PTPRN: variants seen among roughly 807,000 people sequenced by gnomAD.
The protein encoded by PTPRN is protein tyrosine phosphatase receptor type N.
Under a neutral mutation model 108.5 loss-of-function variants are expected in PTPRN, and 70 were observed. That is an observed-to-expected ratio of 0.65 (90% CI 0.53 to 0.79). The LOEUF (loss-of-function observed/expected upper bound fraction) is 0.79, where lower values mean the gene tolerates loss of function less well. Among genes scored for constraint, PTPRN ranks in the 30% least tolerant of loss-of-function variants. The probability of loss-of-function intolerance (pLI) is 0.00; values close to 1 mark genes in which losing one functional copy is unlikely to be tolerated. For missense variants in PTPRN, 1,136 were observed against 1,295.5 expected (o/e 0.88, Z 1.89); for synonymous variants, 496 against 524.6 (o/e 0.95, Z 0.75).
In PTPRN at chr2:219,296,599, C is replaced by A; in HGVS notation, c.2311-83G>T. 1 of 1,577,764 alleles carries A rather than the reference C, an allele frequency of 6.3e-7. No homozygotes were observed. The highest frequency in any genetic ancestry group is 1.1e-5 in the South Asian group (1 of 89,350). On this transcript the variant is annotated intron_variant, in intron 16 of 22. Coordinates refer to ENST00000295718, the MANE Select transcript of PTPRN (RefSeq NM_002846.4). This position sits in a 1 kb window ranked among gnomAD's most constrained non-coding sequence, Gnocchi z 6.0. The stretch of plus-strand genomic sequence containing the variant: ...GTGGTCAGAGCAAGTGGGTCAGGGT[C>A]TGAGAAGGCTGGCAGTTCCCCCTTG...
At chr2:219,307,657 TCTC>T in intron 2 of PTPRN, 100 bp from the exon 3 acceptor site, 1 of 1,444,878 alleles carries the variant, frequency 6.9e-7, no homozygotes, top group South Asian at 1.2e-5. Context: ...CTCCCCTACC[TCTC>T]CTCCTCCAGG....
At chr2:219,302,019 A>T in intron 6 of PTPRN, 118 bp downstream of exon 6, 2 of 1,005,238 alleles carry the variant, frequency 2.0e-6, no homozygotes, top group Non-Finnish European at 2.9e-6. Flanking sequence ...GACATTCCTT[A>T]AATGTATGAA....
rs774515043 is a variant in PTPRN, at chr2:219,296,177, A to T, written c.2508+49T>A. 1 of 1,604,894 alleles carries T rather than the reference A, an allele frequency of 6.2e-7. No homozygotes were observed. Among genetic ancestry groups the T allele is most frequent in the Non-Finnish European group, 8.5e-7 (1 of 1,172,144 alleles). The stretch of plus-strand genomic sequence containing the variant: ...AAGAAAACGTTACGAAAAGGCCATC[A>T]TCTACTCTTCCCACATCCATTGTCC... On this transcript the variant is annotated intron_variant, in intron 18 of 22. Coordinates refer to ENST00000295718, the MANE Select transcript of PTPRN (RefSeq NM_002846.4). This position sits in a 1 kb window ranked among gnomAD's most constrained non-coding sequence, Gnocchi z 6.0.
chr2:219,297,247 C>G lies in PTPRN; in HGVS notation c.2074G>C (p.Gly692Arg), dbSNP rs778504262. Residue 692 changes from glycine to arginine, a missense_variant, in exon 14 of 23, where the codon GGA becomes CGA. Transcript: ENST00000295718. The surrounding 1 kb of genome is among the most constrained non-coding windows in gnomAD (Gnocchi z 6.0). The stretch of plus-strand genomic sequence containing the variant: ...CCTGTCCTGACCAGAATCATGTGTC[C>G]CGTGGAGATGTCCATGTTGGCTTGG... The part of the protein sequence containing the change: ...PAQANMDIST[G>R]HMILAYMEDH... The G allele has an allele frequency of 5.6e-6, 9 of 1,613,898 alleles. No individual in the cohort carries two copies. The highest frequency in any genetic ancestry group is 6.8e-6 in the Non-Finnish European group (8 of 1,179,966).
Position 219,296,655 on chromosome 2 carries a change from G to T in PTPRN, c.2310+94C>A, listed in dbSNP as rs1034017223. On this transcript the variant is annotated intron_variant, in intron 16 of 22. Transcript: ENST00000295718. The surrounding 1 kb of genome is among the most constrained non-coding windows in gnomAD (Gnocchi z 6.0). ...ATATCAGGCCCCACCACTCCAGGGG[G>T]TTGGTGGGGTGGCAGGTGACCACGG... 5.8e-6 allele frequency: 9 copies of T among 1,547,052 alleles called. No individual in the cohort carries two copies. The highest frequency in any genetic ancestry group is 6.2e-6 in the Non-Finnish European group (7 of 1,126,534).
In PTPRN at chr2:219,302,581, G is replaced by A; in HGVS notation, c.634C>T (p.His212Tyr). 2 of 1,613,998 alleles carry A rather than the reference G, an allele frequency of 1.2e-6. No homozygotes were observed. Among genetic ancestry groups the A allele is most frequent in the South Asian group, 1.1e-5 (1 of 91,074 alleles). Residue 212 changes from histidine (H) to tyrosine (Y), a missense_variant, in exon 5 of 23, where the codon CAC becomes TAC. His to Tyr is a moderately conservative substitution (Grantham distance 83). Transcript: ENST00000295718. ...EPALLQPYLF[H>Y]QFGSRDGSRV... Reference sequence around the variant, plus strand: ...GACCAGAGTCAAGGACTTACCTGGTGGAACAGGTAGGGCTGCAGCAAGGCA... The same window carrying A: ...GACCAGAGTCAAGGACTTACCTGGTAGAACAGGTAGGGCTGCAGCAAGGCA...
intron 19 of PTPRN, chr2:219,291,933 T>C (rs940021995): frequency 4.3e-6 from 1 of 231,978 alleles, no homozygotes; most frequent in African/African-American, 2.3e-5. Flanking sequence ...CAACTATTAA[T>C]GATAATACAT....
At chr2:219,299,460 T>C in intron 10 of PTPRN, 76 bp from the exon 11 acceptor site, 1 of 1,486,582 alleles carries the variant, frequency 6.7e-7, no homozygotes, top group Admixed American at 1.7e-5. Flanking sequence ...GCTCTGGCCC[T>C]CTCCCCGTTA....
In PTPRN at chr2:219,307,460, T is replaced by A. The variant is rs768840372; in HGVS notation, c.264A>T (p.Arg88=). Residue 88 remains arginine, a synonymous_variant, in exon 3 of 23, where the codon CGA becomes CGT. Coordinates refer to ENST00000295718, the MANE Select transcript of PTPRN (RefSeq NM_002846.4). ...AGACCTTACCTTGGGACATGAGTTGTCGGAGCACACCTTGTAAGCGTTGGA... is the reference window on the plus strand; with the variant it reads ...AGACCTTACCTTGGGACATGAGTTGACGGAGCACACCTTGTAAGCGTTGGA... ...PVLQRLQGVL[R]QLMSQGLSWH... is the part of the protein sequence containing the mutation. 6.2e-7 allele frequency: 1 copy of A among 1,614,064 alleles called. No homozygotes were observed. The highest frequency in any genetic ancestry group is 1.7e-5 in the Admixed American group (1 of 60,012).
chr2:219,294,798 G>C (rs1365920320), intron 19 of PTPRN, among the ~76,000 whole-genome samples, 177 bp downstream of exon 19: 1 of 152,072 alleles, frequency 6.6e-6, no homozygotes, highest in Non-Finnish European at 1.5e-5. Context: ...TCGGGGAAGG[G>C]CACAGCCGGA....
In PTPRN at chr2:219,297,402, G is replaced by T. The variant is rs759242779; in HGVS notation, c.1919C>A (p.Ser640Tyr). Residue 640 changes from serine (S) to tyrosine (Y), a missense_variant, in exon 14 of 23, where the codon TCC (serine) becomes TAC (tyrosine). Physicochemically the swap from Ser to Tyr is moderately radical, Grantham distance 144. Coordinates refer to ENST00000295718, the MANE Select transcript of PTPRN (RefSeq NM_002846.4). This position sits in a 1 kb window ranked among gnomAD's most constrained non-coding sequence, Gnocchi z 6.0. ...DLCRQHMATK[S>Y]LFNRAEGPPE... ...TGGACCCTCTGCCCGGTTGAACAAG[G>T]ACTTCGTGGCCATGTGCTGGCGGCA... 3 of 1,614,126 alleles carry T rather than the reference G, an allele frequency of 1.9e-6. No homozygotes were observed. The South Asian group carries it at 3.3e-5, about 18-fold the overall frequency.
intron 19 of PTPRN, among the ~76,000 whole-genome samples, chr2:219,294,379 A>G (rs1056640156): frequency 6.6e-6 from 1 of 151,368 alleles, no homozygotes; most frequent in Non-Finnish European, 1.5e-5. Context: ...AGAGGGAGAA[A>G]TGGAGAGAGA....
In PTPRN at chr2:219,295,003, A is replaced by C; in HGVS notation, c.2647T>G (p.Ser883Ala). 6.2e-7 allele frequency: 1 copy of C among 1,603,544 alleles called. No homozygotes were observed. Among genetic ancestry groups the C allele is most frequent in the East Asian group, 2.3e-5 (1 of 44,060 alleles). ...LSWPAEGTPASTRPLLDFRRK... is the reference protein window; with the variant it reads ...LSWPAEGTPAATRPLLDFRRK... The stretch of plus-strand genomic sequence containing the variant: ...CGGAAGTCCAGCAGGGGCCGCGTGG[A>C]GGCCGGTGTGCCCTCTGCCGGCCAG... Residue 883 changes from serine to alanine, a missense_variant, in exon 19 of 23, where the codon TCC becomes GCC. Ser to Ala is a moderately conservative substitution (Grantham distance 99). Transcript: ENST00000295718.
intron 18 of PTPRN, chr2:219,295,598 T>C (rs1441549285): frequency 6.4e-6 from 1 of 155,318 alleles, no homozygotes; most frequent in Non-Finnish European, 1.4e-5. Flanking sequence ...GTTCTTAAGG[T>C]TTTTTTGTCT....
At chr2:219,306,648 C>G (rs888932357) in intron 3 of PTPRN, among the ~76,000 whole-genome samples, 1 of 152,216 alleles carries the variant, frequency 6.6e-6, no homozygotes, top group African/African-American at 2.4e-5. Flanking sequence ...TCCCTTCCCC[C>G]ATTACCTACC....
chr2:219,300,014 C>G lies in PTPRN; in HGVS notation c.1407G>C (p.Glu469Asp), dbSNP rs769778651. 4.4e-5 allele frequency: 71 copies of G among 1,614,236 alleles called. No individual in the cohort carries two copies. Among genetic ancestry groups the G allele is most frequent in the Non-Finnish European group, 5.9e-5 (70 of 1,180,038 alleles). ...GATCAGTGACGATGTAGCCATATTC[C>G]TCTGCTGCTGGGCGGGCTGAGGGCT... The part of the protein sequence containing the change: ...AGQPSARPAA[E>D]EYGYIVTDQK... Residue 469 changes from glutamate (E) to aspartate (D), a missense_variant, in exon 9 of 23, where the codon GAG (glutamate) becomes GAC (aspartate). Coordinates refer to ENST00000295718, the MANE Select transcript of PTPRN (RefSeq NM_002846.4).
Position 219,302,188 on chromosome 2 carries a change from C to A in PTPRN, c.943G>T (p.Glu315Ter). Residue 315 changes from glutamate (E) to a stop codon, truncating the protein, a stop_gained, in exon 6 of 23, where the codon GAA (glutamate) becomes TAA (stop). Transcript: ENST00000295718. LOFTEE classifies it high-confidence loss of function. ...AEDSPEGYEK[E>*]GLGDRGEKPA... is the part of the protein sequence containing the mutation. ...TTCTCTCCACGATCCCCTAGTCCTT[C>A]CTTCTCATAGCCCTCTGGGGAGTCC... 1 of 1,609,440 alleles carries A rather than the reference C, an allele frequency of 6.2e-7. No individual in the cohort carries two copies. Among genetic ancestry groups the A allele is most frequent in the Non-Finnish European group, 8.5e-7 (1 of 1,176,326 alleles).
intron 3 of PTPRN, among the ~76,000 whole-genome samples, chr2:219,305,598 C>T (rs748639270): frequency 6.6e-6 from 1 of 152,188 alleles, no homozygotes; most frequent in Non-Finnish European, 1.5e-5. Context: ...TTAATAGACA[C>T]TCAATCTTTT....
At chr2:219,308,814 C>T (rs979992774) in intron 1 of PTPRN, 2 of 1,296,324 alleles carry the variant, frequency 1.5e-6, no homozygotes, top group Admixed American at 4.6e-5. Flanking sequence ...GCTTCCACTG[C>T]CCAGAGATCA....
Sources: allele counts gnomAD v4.1 joint callset (sites outside exome capture counted in the v4.1 genomes callset), GRCh38; gene constraint gnomAD v4.1.1; non-coding constraint Gnocchi (gnomAD v3.1); transcripts MANE v1.5; gene names NCBI Gene and HGNC (gene_info 2026-07-23, HGNC 2026-07-21).